TAS2R1: variants seen among roughly 807,000 people sequenced by gnomAD.
TAS2R1 encodes the protein taste receptor type 2 member 1.
For missense variants in TAS2R1, 370 were observed against 353.4 expected (o/e 1.05, Z -0.38); for synonymous variants, 141 against 134.2 (o/e 1.05, Z -0.35).
chr5:9,673,318 T>A (rs184826689), intron 1 of TAS2R1, among the ~76,000 whole-genome samples: 1 of 152,240 alleles, frequency 6.6e-6, no homozygotes, highest in Admixed American at 6.5e-5. Flanking sequence ...ATAAATAAAA[T>A]GTTTAGGCTT....
At chr5:9,883,178 G>A in the TAS2R1 span, among the ~76,000 whole-genome samples, 1 of 152,136 alleles carries the variant, frequency 6.6e-6, no homozygotes, top group African/African-American at 2.4e-5. Context: ...TGAACAATGA[G>A]AACGTGTGGG....
chr5:9,705,703 ACAAAAAATTAGC>A (rs1579793103), intron 1 of TAS2R1, among the ~76,000 whole-genome samples: 1 of 152,174 alleles, frequency 6.6e-6, no homozygotes, highest in East Asian at 1.9e-4. Flanking sequence ...TACTAAAAAT[ACAAAAAATTAGC>A]CGGGCATCGT....
At chr5:9,873,868 CG>C in the TAS2R1 span, among the ~76,000 whole-genome samples, 1 of 87,374 alleles carries the variant, frequency 1.1e-5, no homozygotes. Context: ...GACTCTGTCT[CG>C]GGGAAAAAAA....
intron 2 of TAS2R1, among the ~76,000 whole-genome samples, chr5:9,654,196 C>CTAG: frequency 6.6e-6 from 1 of 152,138 alleles, no homozygotes; most frequent in East Asian, 1.9e-4. Flanking sequence ...CTTATAAACT[C>CTAG]TAGCTAGGTA....
the TAS2R1 span, among the ~76,000 whole-genome samples, chr5:9,735,069 G>T: frequency 6.6e-6 from 1 of 151,252 alleles, no homozygotes; most frequent in Non-Finnish European, 1.5e-5. Context: ...GGAAGCAGGC[G>T]CGTCTTCACG....
the TAS2R1 span, among the ~76,000 whole-genome samples, chr5:9,787,044 CTA>C: frequency 2.6e-5 from 4 of 152,192 alleles, no homozygotes; most frequent in Non-Finnish European, 5.9e-5. Flanking sequence ...TTTCCCTCAA[CTA>C]TATGTTTTGG....
chr5:9,633,538 T>C (rs1034103540), upstream of TAS2R1, among the ~76,000 whole-genome samples: 3 of 151,858 alleles, frequency 2.0e-5, no homozygotes, highest in African/African-American at 7.3e-5. Flanking sequence ...TTTTTCACAG[T>C]GGTTGTACTA....
At chr5:9,859,658 G>A in the TAS2R1 span, among the ~76,000 whole-genome samples, 13 of 152,174 alleles carry the variant, frequency 8.5e-5, no homozygotes, top group Admixed American at 1.3e-4. Context: ...GTAATGCAGG[G>A]GGACCAGATA....
intron 1 of TAS2R1, among the ~76,000 whole-genome samples, chr5:9,683,163 A>T (rs562235429): frequency 1.3e-5 from 2 of 152,020 alleles, no homozygotes; most frequent in Non-Finnish European, 2.9e-5. Context: ...TTTACATTAT[A>T]GTATAATATG....
At chr5:9,877,526 C>A in the TAS2R1 span, among the ~76,000 whole-genome samples, 1 of 152,204 alleles carries the variant, frequency 6.6e-6, no homozygotes, top group Non-Finnish European at 1.5e-5. Context: ...TACACACATG[C>A]AGTCTCCCAA....
the TAS2R1 span, among the ~76,000 whole-genome samples, chr5:9,778,171 C>T: frequency 9.0e-3 from 1,363 of 151,698 alleles, 11 homozygotes; most frequent in Non-Finnish European, 0.015. Flanking sequence ...TGAGCCACCA[C>T]GCCCGGCGGG....
chr5:9,631,598 A>G (rs1013639751), upstream of TAS2R1, among the ~76,000 whole-genome samples: 4 of 152,172 alleles, frequency 2.6e-5, no homozygotes, highest in African/African-American at 4.8e-5. Flanking sequence ...CAATTCAATA[A>G]ACACTGGGGG....
chr5:9,694,549 T>C (rs921654614), intron 1 of TAS2R1, among the ~76,000 whole-genome samples: 3 of 152,348 alleles, frequency 2.0e-5, no homozygotes, highest in Admixed American at 6.5e-5. Flanking sequence ...CCTCCTTTCG[T>C]GGCCCATCAA....
At chr5:9,694,150 CACAA>C (rs1252197677) in intron 1 of TAS2R1, among the ~76,000 whole-genome samples, 1 of 152,148 alleles carries the variant, frequency 6.6e-6, no homozygotes, top group East Asian at 1.9e-4. Context: ...AAAATTAAGA[CACAA>C]ACCAATTACA....
chr5:9,901,202 G>A, the TAS2R1 span, among the ~76,000 whole-genome samples: 37 of 151,966 alleles, frequency 2.4e-4, 1 homozygote, highest in Non-Finnish European at 4.3e-4. Flanking sequence ...GTGAAAGGTG[G>A]CAAACAGCTC....
the TAS2R1 span, among the ~76,000 whole-genome samples, chr5:9,720,367 TG>T: frequency 2.6e-5 from 4 of 152,178 alleles, no homozygotes; most frequent in African/African-American, 9.7e-5. Flanking sequence ...TCACCCTCTG[TG>T]GAATGGTGGG....
At chr5:9,762,675 T>A in the TAS2R1 span, among the ~76,000 whole-genome samples, 6 of 152,196 alleles carry the variant, frequency 3.9e-5, no homozygotes. Context: ...CAAAAGCTGC[T>A]CAGAAATCTA....
the TAS2R1 span, among the ~76,000 whole-genome samples, chr5:9,818,560 G>A: frequency 8.5e-5 from 13 of 152,340 alleles, no homozygotes; most frequent in Middle Eastern, 3.4e-3. Flanking sequence ...CTGTGGGCCA[G>A]GGTGATGGGT....
chr5:9,864,143 T>C, the TAS2R1 span, among the ~76,000 whole-genome samples: 1 of 152,282 alleles, frequency 6.6e-6, no homozygotes, highest in African/African-American at 2.4e-5. Flanking sequence ...CTTTCCTCAA[T>C]GGAGCAGAAG....
Sources: gnomAD v4.1 joint callset for allele counts (sites outside exome capture counted in the v4.1 genomes callset) on GRCh38, gnomAD v4.1.1 for gene constraint, MANE v1.5 for transcripts, NCBI Gene and HGNC (gene_info 2026-07-23, HGNC 2026-07-21) for gene names.